The following ERBB4 variants were observed in gnomAD, a reference collection of about 807,000 sequenced individuals.
ERBB4 encodes the protein erb-b2 receptor tyrosine kinase 4, also known as receptor tyrosine-protein kinase erbB-4.
Under a neutral mutation model 158.0 loss-of-function variants are expected in ERBB4, and 42 were observed. The observed-to-expected ratio is 0.27, with a 90% CI of 0.21 to 0.34. The LOEUF (loss-of-function observed/expected upper bound fraction) is 0.34, where lower values mean the gene tolerates loss of function less well. ERBB4 is among the 10% of genes least tolerant of loss of function. The probability of loss-of-function intolerance (pLI) is 1.00; values close to 1 mark genes in which losing one functional copy is unlikely to be tolerated. For missense variants in ERBB4, 1,333 were observed against 1,624.1 expected, an observed-to-expected ratio of 0.82 and a Z score of 3.08; for synonymous variants, 583 against 558.7, an observed-to-expected ratio of 1.04 and a Z score of -0.61.
chr2:211,678,884 G>A (rs549487319), intron 13 of ERBB4, among the ~76,000 whole-genome samples, 168 bp downstream of exon 13: 7 of 148,644 alleles, frequency 4.7e-5, no homozygotes, highest in East Asian at 4.1e-4. Context: ...GGAGAATGGC[G>A]TGAACCCAGG....
chr2:211,961,843 G>A (rs999636003), intron 2 of ERBB4, among the ~76,000 whole-genome samples: 1 of 152,116 alleles, frequency 6.6e-6, no homozygotes, highest in Admixed American at 6.6e-5. Context: ...GAAAAAAGGA[G>A]GAGGAGGAAC....
chr2:212,062,378 T>C (rs2077800154), intron 2 of ERBB4, among the ~76,000 whole-genome samples: 1 of 142,974 alleles, frequency 7.0e-6, no homozygotes, highest in Admixed American at 7.1e-5. Context: ...TTCCTCCTAC[T>C]ACTCTTCTCA....
chr2:212,232,493 C>T (rs1469197047), intron 1 of ERBB4, among the ~76,000 whole-genome samples: 1 of 152,304 alleles, frequency 6.6e-6, no homozygotes, highest in South Asian at 2.1e-4. Flanking sequence ...ACCACAACCT[C>T]TGTCTCCTGT....
At chr2:212,094,064 T>C (rs1383798152) in intron 2 of ERBB4, among the ~76,000 whole-genome samples, 1 of 151,884 alleles carries the variant, frequency 6.6e-6, no homozygotes, top group African/African-American at 2.4e-5. Flanking sequence ...CCTTAGACCA[T>C]AATATGGTTT....
At chr2:212,331,071 T>TATATATATATATATATAC (rs147932949) in intron 1 of ERBB4, among the ~76,000 whole-genome samples, 2,644 of 119,966 alleles carry the variant, frequency 0.022, 155 homozygotes, top group South Asian at 0.056. Flanking sequence ...TATATATATA[T>TATATATATATATATATAC]ACACATATAT....
chr2:211,433,534 T>C (rs2063787581), intron 20 of ERBB4, among the ~76,000 whole-genome samples: 2 of 149,714 alleles, frequency 1.3e-5, no homozygotes, highest in South Asian at 4.2e-4. Context: ...TGAGCCAAGA[T>C]GGCGCCACTG....
intron 1 of ERBB4, among the ~76,000 whole-genome samples, chr2:212,233,881 T>C (rs553655366): frequency 2.4e-4 from 37 of 151,886 alleles, no homozygotes; most frequent in Non-Finnish European, 4.0e-4. Context: ...TGACTTTTCA[T>C]TTGTGATTAA....
At chr2:212,420,962 A>C (rs1390982282) in intron 1 of ERBB4, among the ~76,000 whole-genome samples, 2 of 152,162 alleles carry the variant, frequency 1.3e-5, no homozygotes, top group Non-Finnish European at 2.9e-5. Flanking sequence ...TGGTTTCTGC[A>C]AACTTGGAGA....
chr2:212,428,488 G>T (rs2091961137), intron 1 of ERBB4, among the ~76,000 whole-genome samples: 1 of 151,850 alleles, frequency 6.6e-6, no homozygotes, highest in African/African-American at 2.4e-5. Flanking sequence ...GAACCAAAGG[G>T]TGAAATGATA....
chr2:212,180,422 T>C (rs1303454047), intron 1 of ERBB4, among the ~76,000 whole-genome samples: 1 of 151,614 alleles, frequency 6.6e-6, no homozygotes, highest in East Asian at 1.9e-4. Context: ...ACTAAAAACA[T>C]TCAAATATGC....
chr2:211,637,858 T>G (rs2070418391), intron 16 of ERBB4, among the ~76,000 whole-genome samples: 1 of 151,978 alleles, frequency 6.6e-6, no homozygotes, highest in Admixed American at 6.6e-5. Context: ...GTATTTTTTC[T>G]CTTTCTAAAG....
chr2:212,178,407 G>A (rs144169883), intron 1 of ERBB4, among the ~76,000 whole-genome samples: 162 of 151,804 alleles, frequency 1.1e-3, no homozygotes, highest in African/African-American at 3.8e-3. Context: ...GAGGAAAGTG[G>A]AGAGATTTAC....
chr2:211,904,270 G>C lies in ERBB4; in HGVS notation c.421+43160C>G, dbSNP rs370984491. On this transcript the variant is annotated intron_variant, in intron 3 of 27. Transcript: ENST00000342788. ...CAGCTCTCTTAAAATGTAGAGAACC[G>C]AACACTGCAAACAAAAACCTCAAAA... is the stretch of plus-strand genomic sequence containing the variant. Among the ~76,000 whole-genome samples, 22 of 152,086 alleles carry C rather than the reference G, an allele frequency of 1.4e-4. No homozygotes were observed. In the South Asian group the frequency reaches 4.4e-3, roughly 30 times the overall value.
At chr2:211,837,459 A>G (rs1402689721) in intron 3 of ERBB4, among the ~76,000 whole-genome samples, 1 of 152,126 alleles carries the variant, frequency 6.6e-6, no homozygotes, top group Non-Finnish European at 1.5e-5. Flanking sequence ...AAGGTTAGAT[A>G]AAAGGAAAAA....
At chr2:212,192,594 A>G (rs1038647028) in intron 1 of ERBB4, among the ~76,000 whole-genome samples, 1 of 152,156 alleles carries the variant, frequency 6.6e-6, no homozygotes, top group Non-Finnish European at 1.5e-5. Context: ...AAATAGAACA[A>G]TAATGCCTTT....
At chr2:211,549,974 T>C (rs2067040014) in intron 20 of ERBB4, among the ~76,000 whole-genome samples, 1 of 152,154 alleles carries the variant, frequency 6.6e-6, no homozygotes, top group Non-Finnish European at 1.5e-5. Flanking sequence ...TTCAAGCCAA[T>C]TCTAATAGGT....
chr2:211,436,168 A>G (rs542264906), intron 20 of ERBB4, among the ~76,000 whole-genome samples: 1 of 152,350 alleles, frequency 6.6e-6, no homozygotes, highest in African/African-American at 2.4e-5. Flanking sequence ...TTGGCAGAAA[A>G]AAACTATTAT....
intron 2 of ERBB4, among the ~76,000 whole-genome samples, chr2:212,021,338 T>C (rs2125328232): frequency 6.6e-6 from 1 of 152,080 alleles, no homozygotes; most frequent in African/African-American, 2.4e-5. Context: ...GGTAGCATGA[T>C]GCCAAAAGAG....
intron 3 of ERBB4, among the ~76,000 whole-genome samples, chr2:211,856,320 T>C (rs2077858901): frequency 6.6e-6 from 1 of 152,094 alleles, no homozygotes. Flanking sequence ...CTGGGGAATG[T>C]TCTTCATTAA....
Sources: gnomAD v4.1 joint callset for allele counts (sites outside exome capture counted in the v4.1 genomes callset) on GRCh38, gnomAD v4.1.1 for gene constraint, MANE v1.5 for transcripts, NCBI Gene and HGNC (gene_info 2026-07-23, HGNC 2026-07-21) for gene names.